The following ZFP90 variants were observed in gnomAD, a reference collection of about 807,000 sequenced individuals.
ZFP90 encodes zinc finger protein 90 homolog.
In ZFP90, 38 loss-of-function variants were observed where a neutral mutation model predicts 60.8. The observed-to-expected ratio is 0.62, with a 90% CI of 0.48 to 0.82. ZFP90 has a LOEUF of 0.82. Ranked by LOEUF, ZFP90 falls within the 40% of genes least tolerant of loss-of-function variation. The pLI is 0.00. For missense variants in ZFP90, 711 were observed against 759.1 expected (o/e 0.94, Z 0.74); for synonymous variants, 287 against 264.8 (o/e 1.08, Z -0.82).
Position 68,565,416 on chromosome 16 carries a change from C to T in ZFP90, c.*718C>T, listed in dbSNP as rs2152075963. 2.0e-6 allele frequency: 2 copies of T among 985,594 alleles called. No homozygotes were observed. The highest frequency in any genetic ancestry group is 9.4e-5 in the South Asian group (2 of 21,288). 61.1% of individuals were successfully genotyped at this position (985,594 alleles called of 1,614,324 possible). A position where few individuals can be genotyped will look rare whatever the true frequency, so the allele number is the denominator to read the frequency against. On this transcript the variant is annotated 3_prime_UTR_variant, in exon 5 of 5. Transcript: ENST00000563169. ...CTATGGGTTGGACACTTTGAGAATT[C>T]TTAAAAGTATAAGTGGGAGCAAAAT...
chr16:68,568,361 A>G (rs1052613545), downstream of ZFP90, among the ~76,000 whole-genome samples: 4 of 152,232 alleles, frequency 2.6e-5, no homozygotes, highest in Admixed American at 6.5e-5. Flanking sequence ...AAATAAAACA[A>G]TGTAATACTG....
upstream of ZFP90, among the ~76,000 whole-genome samples, chr16:68,534,919 TAAAA>T (rs1311216348): frequency 1.3e-5 from 2 of 152,120 alleles, no homozygotes; most frequent in Admixed American, 6.6e-5. Flanking sequence ...AATAAATAAA[TAAAA>T]ATAAAATAAA....
intron 4 of ZFP90, among the ~76,000 whole-genome samples, chr16:68,559,929 C>G (rs1271208127): frequency 1.3e-5 from 2 of 151,532 alleles, no homozygotes; most frequent in Non-Finnish European, 2.9e-5. Flanking sequence ...AGTGCAGTGT[C>G]TCTATCACAG....
At chr16:68,575,940 TACTG>T in exon 3 of ZFP90, 1 of 395,942 alleles carries the variant, frequency 2.5e-6, no homozygotes, top group Non-Finnish European at 4.4e-6. Flanking sequence ...GCCATGCAAA[TACTG>T]ACAAAACTGT....
Position 68,564,631 on chromosome 16 carries a change from G to A in ZFP90, c.1844G>A (p.Gly615Glu), listed in dbSNP as rs769493736. The A allele has an allele frequency of 3.1e-6, 5 of 1,613,914 alleles. No homozygotes were observed. The South Asian group carries it at 4.4e-5, about 14-fold the overall frequency. ...AAACCCTATTCTTGTAAGGAATGTG[G>A]GAAAAACTTCAGCCGAAGTTCAGCT... ...GEKPYSCKEC[G>E]KNFSRSSALT... Residue 615 changes from glycine to glutamate, a missense_variant, in exon 5 of 5, where the codon GGG becomes GAG. Coordinates refer to ENST00000563169, the MANE Select transcript of ZFP90 (RefSeq NM_001305203.2).
At chr16:68,562,516 C>A in intron 4 of ZFP90, 1 of 157,374 alleles carries the variant, frequency 6.4e-6, no homozygotes, top group South Asian at 1.9e-4. Context: ...CAAGGACCTC[C>A]TTGATCTCCA....
Position 68,565,422 on chromosome 16 carries a change from A to G in ZFP90, c.*724A>G. On this transcript the variant is annotated 3_prime_UTR_variant, in exon 5 of 5. Transcript: ENST00000563169. ...GTTGGACACTTTGAGAATTCTTAAA[A>G]GTATAAGTGGGAGCAAAATGTATGC... The G allele has an allele frequency of 1.0e-6, 1 of 985,562 alleles. No homozygotes were observed. Among genetic ancestry groups the G allele is most frequent in the Non-Finnish European group, 1.2e-6 (1 of 829,906 alleles). 61.1% of individuals were successfully genotyped at this position (985,562 alleles called of 1,614,324 possible). A position where few individuals can be genotyped will look rare whatever the true frequency, so the allele number is the denominator to read the frequency against.
At position 68,565,643 on chromosome 16, in the gene ZFP90, A is replaced by G; in HGVS notation, c.*945A>G. ...ACTTTTTATGGCATGCCCATGAAAA[A>G]GCACTTTCTTAAGCCTACAGTATCA... On this transcript the variant is annotated 3_prime_UTR_variant, in exon 5 of 5. Transcript: ENST00000563169. 1.0e-6 allele frequency: 1 copy of G among 985,552 alleles called. No homozygotes were observed. 61.1% of individuals were successfully genotyped at this position (985,552 alleles called of 1,614,324 possible).
In ZFP90 at chr16:68,564,076, A is replaced by T. The variant is rs1223659449; in HGVS notation, c.1289A>T (p.Asp430Val). Residue 430 changes from aspartate to valine, a missense_variant, in exon 5 of 5, where the codon GAT (aspartate) becomes GTT (valine). This residue lies in a region of ZFP90 where 295 missense variants were observed against 274.0 expected (regional missense o/e 1.08). Transcript: ENST00000563169. Reference protein sequence around the residue: ...KPYQSSNYSIDFKHSTSLTQD... With the variant: ...KPYQSSNYSIVFKHSTSLTQD... The stretch of plus-strand genomic sequence containing the variant: ...TACCAAAGCAGTAACTACAGCATAG[A>T]TTTCAAGCACAGCACATCTCTCACT... 8.1e-6 allele frequency: 13 copies of T among 1,614,006 alleles called. No individual in the cohort carries two copies. Among genetic ancestry groups the T allele is most frequent in the Non-Finnish European group, 1.1e-5 (13 of 1,180,028 alleles).
At chr16:68,535,739 G>A (rs757390544), upstream of ZFP90, 6 of 152,070 alleles carry the variant, frequency 3.9e-5, no homozygotes, top group Non-Finnish European at 5.9e-5. Context: ...AGCGTTCCAT[G>A]TTCTGCCTAC....
chr16:68,576,096 C>T (rs1181970734), downstream of ZFP90: 13 of 287,964 alleles, frequency 4.5e-5, no homozygotes, highest in Non-Finnish European at 7.6e-5. Flanking sequence ...GGCATTTTAA[C>T]ATGCTCTATT....
chr16:68,575,535 CAAAAAAA>C (rs34872149), intron 2 of ZFP90, among the ~76,000 whole-genome samples: 30 of 82,394 alleles, frequency 3.6e-4, no homozygotes, highest in South Asian at 3.4e-3. Flanking sequence ...TGTGAGTATG[CAAAAAAA>C]AAAAAAAAAA....
chr16:68,573,454 GGTGACACAGC>G (rs1314205620), intron 2 of ZFP90, among the ~76,000 whole-genome samples: 1 of 152,158 alleles, frequency 6.6e-6, no homozygotes, highest in Admixed American at 6.5e-5. Context: ...CCCCAGCCTG[GGTGACACAGC>G]AAGACCTGTC....
At chr16:68,544,827 T>G (rs1297020066) in intron 2 of ZFP90, among the ~76,000 whole-genome samples, 1 of 148,416 alleles carries the variant, frequency 6.7e-6, no homozygotes, top group Non-Finnish European at 1.5e-5. Context: ...TAACGTTAGG[T>G]ACCGCTCCTG....
intron 2 of ZFP90, chr16:68,555,278 G>C (rs1307164399): frequency 6.6e-6 from 1 of 152,222 alleles, no homozygotes; most frequent in African/African-American, 2.4e-5. Flanking sequence ...GTCTGCCACA[G>C]TGTATATAGT....
chr16:68,540,826 AAAAAT>A (rs1201641974), intron 2 of ZFP90, among the ~76,000 whole-genome samples: 3 of 141,066 alleles, frequency 2.1e-5, no homozygotes, highest in African/African-American at 6.2e-5. Flanking sequence ...AAAAAAAAAA[AAAAAT>A]TTAAAAGATA....
Position 68,564,655 on chromosome 16 carries a change from C to T in ZFP90, c.1868C>T (p.Ala623Val). 1 of 1,613,574 alleles carries T rather than the reference C, an allele frequency of 6.2e-7. No individual in the cohort carries two copies. The highest frequency in any genetic ancestry group is 8.5e-7 in the Non-Finnish European group (1 of 1,179,850). Residue 623 changes from alanine (A) to valine (V), a missense_variant, in exon 5 of 5, where the codon GCT becomes GTT. Coordinates refer to ENST00000563169, the MANE Select transcript of ZFP90 (RefSeq NM_001305203.2). ...GGGAAAAACTTCAGCCGAAGTTCAG[C>T]TCTTACTAAACACCAGAGAATTCAT... is the stretch of plus-strand genomic sequence containing the variant. ...ECGKNFSRSS[A>V]LTKHQRIHTR...
rs1276867208 is a variant in ZFP90 at position 68,563,938 on chromosome 16, A to T, written c.1151A>T (p.His384Leu). 6.2e-7 allele frequency: 1 copy of T among 1,614,172 alleles called. No individual in the cohort carries two copies. The highest frequency in any genetic ancestry group is 8.5e-7 in the Non-Finnish European group (1 of 1,180,022). ...AGTCGATGTTCTTCCCTTGTCCAAC[A>T]TGAGAGGACTCATACTGGAGAGAAA... ...AFSRCSSLVQ[H>L]ERTHTGEKPF... Residue 384 changes from histidine (H) to leucine (L), a missense_variant, in exon 5 of 5, where the codon CAT (histidine) becomes CTT (leucine). His to Leu is a moderately conservative substitution (Grantham distance 99). This residue lies in a region of ZFP90 where 146 missense variants were observed against 201.4 expected (regional missense o/e 0.73). Transcript: ENST00000563169.
intron 2 of ZFP90, 38 bp downstream of exon 2, chr16:68,539,863 C>CGAT: frequency 6.3e-7 from 1 of 1,598,516 alleles, no homozygotes; most frequent in Non-Finnish European, 8.5e-7. Flanking sequence ...GCATCCCATC[C>CGAT]ATCTATCCAT....
Sources: allele counts gnomAD v4.1 joint callset (sites outside exome capture counted in the v4.1 genomes callset), GRCh38; gene constraint gnomAD v4.1.1; regional missense constraint gnomAD v4.1.1; transcripts MANE v1.5; gene names NCBI Gene and HGNC (gene_info 2026-07-23, HGNC 2026-07-21).